Variants in APOLD1 observed in about 807,000 individuals in gnomAD.
APOLD1 encodes apolipoprotein L domain containing 1.
Under a neutral mutation model 15.3 loss-of-function variants are expected in APOLD1, and 22 were observed. That is an observed-to-expected ratio of 1.44 (90% confidence interval 1.03 to 2.05). The LOEUF is 2.05. Among genes scored for constraint, APOLD1 ranks in the 30% most tolerant of loss-of-function variants. The pLI, the probability that APOLD1 is intolerant of heterozygous loss-of-function variation, is 0.00. For missense variants in APOLD1, 394 were observed against 353.5 expected (o/e 1.11, Z -0.92); for synonymous variants, 190 against 167.4 (o/e 1.13, Z -1.04).
rs1947165096 is a variant in APOLD1, at chr12:12,789,523, G to C, written c.*1871G>C. On this transcript the variant is annotated 3_prime_UTR_variant, in exon 2 of 2. Transcript: ENST00000356591. ...GTTCAGGAAAGATAAAAAGTTTAGAGGTATGTGAAGGAAGCACTTAGAACT... is the reference window on the plus strand; with the variant it reads ...GTTCAGGAAAGATAAAAAGTTTAGACGTATGTGAAGGAAGCACTTAGAACT... The C allele has an allele frequency of 1.3e-5, 2 of 152,198 alleles. No homozygotes were observed. Among genetic ancestry groups the C allele is most frequent in the Admixed American group, 1.3e-4 (2 of 15,282 alleles). 9.4% of individuals were successfully genotyped at this position (152,198 alleles called of 1,614,324 possible).
At chr12:12,760,782 A>T (rs940931020) in intron 1 of APOLD1, among the ~76,000 whole-genome samples, 4 of 152,240 alleles carry the variant, frequency 2.6e-5, no homozygotes, top group South Asian at 4.1e-4. Flanking sequence ...TAGATCATTT[A>T]CATATAAGGA....
chr12:12,771,465 G>C (rs369585120), intron 1 of APOLD1: 18 of 475,476 alleles, frequency 3.8e-5, no homozygotes, highest in African/African-American at 3.2e-4. Flanking sequence ...CCTGGTTTCA[G>C]TGCAAAGTTT....
intron 1 of APOLD1, chr12:12,771,626 C>A: frequency 2.0e-6 from 1 of 497,462 alleles, no homozygotes; most frequent in Non-Finnish European, 4.0e-6. Flanking sequence ...TGATAATTTT[C>A]TGCTTGCTAT....
At chr12:12,767,868 C>G (rs1462204902) in intron 1 of APOLD1, among the ~76,000 whole-genome samples, 3 of 150,424 alleles carry the variant, frequency 2.0e-5, no homozygotes, top group Non-Finnish European at 4.4e-5. Context: ...TCACTGAAAC[C>G]TCCGCCTCCT....
At chr12:12,753,099 A>G (rs1201054654) in intron 1 of APOLD1, among the ~76,000 whole-genome samples, 2 of 152,190 alleles carry the variant, frequency 1.3e-5, no homozygotes, top group Non-Finnish European at 2.9e-5. Context: ...GGCTAAAAAA[A>G]TAGATGTGAC....
At chr12:12,784,278 C>T (rs1947107788), upstream of APOLD1, among the ~76,000 whole-genome samples, 1 of 152,176 alleles carries the variant, frequency 6.6e-6, no homozygotes, top group Admixed American at 6.5e-5. Context: ...GCTGAAGAAT[C>T]AGTGGTATGT....
chr12:12,748,646 T>TG, intron 1 of APOLD1, among the ~76,000 whole-genome samples: 1 of 72,370 alleles, frequency 1.4e-5, no homozygotes, highest in Middle Eastern at 7.5e-3. Context: ...TATATAATTA[T>TG]GGGTTTTTTT....
intron 1 of APOLD1, among the ~76,000 whole-genome samples, chr12:12,761,081 ATAT>A: frequency 6.6e-6 from 1 of 152,252 alleles, no homozygotes. Flanking sequence ...TAGAAGTTAT[ATAT>A]TATGTGAACA....
At chr12:12,734,271 C>T (rs929755209) in intron 1 of APOLD1, among the ~76,000 whole-genome samples, 2 of 152,220 alleles carry the variant, frequency 1.3e-5, no homozygotes, top group African/African-American at 4.8e-5. Context: ...ATCTTTGGCA[C>T]TTGGCACACT....
At chr12:12,780,177 T>C (rs1389676485) in intron 1 of APOLD1, among the ~76,000 whole-genome samples, 2 of 152,082 alleles carry the variant, frequency 1.3e-5, no homozygotes, top group Admixed American at 1.3e-4. Flanking sequence ...CTAGAGCACT[T>C]ACATTCTGGG....
exon 1 of APOLD1, chr12:12,725,976 G>C: frequency 6.8e-7 from 1 of 1,468,250 alleles, no homozygotes; most frequent in Non-Finnish European, 9.1e-7. Flanking sequence ...CGCGGGGACA[G>C]AGATGTAACC....
chr12:12,736,838 G>A (rs1469473284), intron 1 of APOLD1, among the ~76,000 whole-genome samples: 5 of 152,200 alleles, frequency 3.3e-5, no homozygotes, highest in African/African-American at 9.7e-5. Flanking sequence ...TTGAAGGAGT[G>A]CATTCAAGGA....
At chr12:12,785,617 G>A, upstream of APOLD1, 1 of 1,613,920 alleles carries the variant, frequency 6.2e-7, no homozygotes, top group Non-Finnish European at 8.5e-7. Context: ...GCAGCCATTG[G>A]TTCTCTGGAA....
intron 1 of APOLD1, among the ~76,000 whole-genome samples, chr12:12,731,034 G>A (rs954868471): frequency 3.3e-5 from 5 of 152,052 alleles, no homozygotes; most frequent in Admixed American, 6.6e-5. Context: ...CCAGCTACTC[G>A]GGAGGCTGAG....
At position 12,741,415 on chromosome 12, in the gene APOLD1, A is replaced by G. The variant is rs184853219; in HGVS notation, c.96+15319A>G. Among the ~76,000 whole-genome samples, 20 of 152,212 alleles carry G rather than the reference A, an allele frequency of 1.3e-4. No individual in the cohort carries two copies. In the East Asian group the frequency reaches 3.7e-3, roughly 28 times the overall value. ...TTTTTTGTAGAGACAAGGTATTGTT[A>G]TGTTGTCTAGGCTGGTCTTGAACTC... is the stretch of plus-strand genomic sequence containing the variant. On this transcript the variant is annotated intron_variant, in intron 1 of 1. Coordinates refer to the APOLD1 transcript ENST00000326765.
intron 1 of APOLD1, among the ~76,000 whole-genome samples, chr12:12,736,401 C>A (rs1287670958): frequency 3.3e-5 from 5 of 151,312 alleles, no homozygotes; most frequent in Non-Finnish European, 7.4e-5. Context: ...GTGGTGTGCA[C>A]CTGTAGTCCC....
At chr12:12,725,968 C>G in exon 1 of APOLD1, 1 of 1,443,670 alleles carries the variant, frequency 6.9e-7, no homozygotes. Flanking sequence ...TGCAGCTTCG[C>G]GGGGACAGAG....
intron 1 of APOLD1, chr12:12,771,280 T>C (rs1298358468): frequency 5.6e-5 from 10 of 178,490 alleles, no homozygotes; most frequent in Non-Finnish European, 9.5e-5. Flanking sequence ...GCAGATTTTG[T>C]GTATGAAAAA....
chr12:12,780,368 C>G (rs1348565638), intron 1 of APOLD1, among the ~76,000 whole-genome samples: 1 of 151,724 alleles, frequency 6.6e-6, no homozygotes, highest in Admixed American at 6.6e-5. Flanking sequence ...CTTAGCCTCC[C>G]AAGTACCAAG....
Sources: allele counts gnomAD v4.1 joint callset (sites outside exome capture counted in the v4.1 genomes callset), GRCh38; gene constraint gnomAD v4.1.1; transcripts MANE v1.5; gene names NCBI Gene and HGNC (gene_info 2026-07-23, HGNC 2026-07-21).